Variants in CHEK2 observed in about 807,000 individuals in gnomAD.
CHEK2 encodes the protein checkpoint kinase 2.
CHEK2 carries 71 observed loss-of-function variants against 69.1 expected under a neutral mutation model. The ratio of observed to expected loss-of-function variants is 1.03; its 90% CI spans 0.85 to 1.25. The LOEUF (loss-of-function observed/expected upper bound fraction) is 1.25, where lower values mean the gene tolerates loss of function less well. Among genes scored for constraint, CHEK2 ranks in the 50% most tolerant of loss-of-function variants. The pLI is 0.00. For synonymous variants in CHEK2, 189 were observed against 226.9 expected (o/e 0.83, Z 1.50); for missense variants, 664 against 649.6 (o/e 1.02, Z -0.24).
chr22:28,725,073 T>C lies in CHEK2; in HGVS notation c.496A>G (p.Asn166Asp), dbSNP rs876659089. 1.2e-6 allele frequency: 2 copies of C among 1,614,180 alleles called. No individual in the cohort carries two copies. Among genetic ancestry groups the C allele is most frequent in the Non-Finnish European group, 1.7e-6 (2 of 1,180,002 alleles). The change falls in exon 4 of 15, where the codon AAT (asparagine) becomes GAT (aspartate). Residue 166 changes from asparagine (N) to aspartate (D), a missense_variant. Physicochemically the swap from Asn to Asp is conservative, Grantham distance 23 (BLOSUM62 1). Coordinates refer to ENST00000404276, the MANE Select transcript of CHEK2 (RefSeq NM_007194.4). ...AGCTCTGTATTTACAAAGGTTCCAT[T>C]GCCACTGTGATCTTCTATGTATGCA... ...YIAYIEDHSG[N>D]GTFVNTELVG...
At chr22:28,699,682 A>G in intron 9 of CHEK2, 156 bp downstream of exon 9, 1 of 676,422 alleles carries the variant, frequency 1.5e-6, no homozygotes, top group Non-Finnish European at 2.7e-6. Context: ...TTTTCATCTC[A>G]GTGAAAGGAG....
At chr22:28,720,082 A>T (rs946704272) in intron 4 of CHEK2, among the ~76,000 whole-genome samples, 7 of 141,180 alleles carry the variant, frequency 5.0e-5, no homozygotes, top group Non-Finnish European at 9.0e-5. Context: ...GCTGTATCTT[A>T]AAAAAAGTAA....
intron 13 of CHEK2, chr22:28,689,495 T>G (rs2052267742): frequency 2.5e-6 from 1 of 406,538 alleles, no homozygotes; most frequent in African/African-American, 2.1e-5. Context: ...GTCAAGAGTT[T>G]CTTAATTAGT....
chr22:28,731,965 G>A (rs1247061246), intron 2 of CHEK2, among the ~76,000 whole-genome samples: 5 of 151,898 alleles, frequency 3.3e-5, no homozygotes, highest in African/African-American at 4.8e-5. Flanking sequence ...TTTTGGAGAC[G>A]GAATCTCGCT....
chr22:28,734,824 AG>A, intron 1 of CHEK2, 97 bp from the exon 2 acceptor site: 18 of 898,576 alleles, frequency 2.0e-5, no homozygotes, highest in South Asian at 4.5e-5. Flanking sequence ...GCAAAAGAAA[AG>A]AAAAAAAAAA....
At chr22:28,724,926 A>G in intron 4 of CHEK2, 51 bp downstream of exon 4, 1 of 1,590,720 alleles carries the variant, frequency 6.3e-7, no homozygotes. Context: ...TTTTCCTCCT[A>G]TGAGAGAGTG....
At chr22:28,738,950 T>C (rs978540748) in intron 1 of CHEK2, among the ~76,000 whole-genome samples, 5 of 152,166 alleles carry the variant, frequency 3.3e-5, no homozygotes, top group Non-Finnish European at 7.3e-5. Flanking sequence ...GAAACTCAAC[T>C]GCAGAAAGAC....
At chr22:28,690,337 T>C (rs1287288492) in intron 13 of CHEK2, among the ~76,000 whole-genome samples, 1 of 151,646 alleles carries the variant, frequency 6.6e-6, no homozygotes, top group Non-Finnish European at 1.5e-5. Context: ...ACAAAAAAAA[T>C]TAAAAATTAG....
intron 13 of CHEK2, among the ~76,000 whole-genome samples, chr22:28,690,888 A>C (rs1441584307): frequency 6.6e-6 from 1 of 151,376 alleles, no homozygotes; most frequent in Non-Finnish European, 1.5e-5. Flanking sequence ...GGAAGGAAGG[A>C]GGAAGAAAGA....
At chr22:28,704,953 A>AGATG (rs1452637419) in intron 7 of CHEK2, among the ~76,000 whole-genome samples, 2 of 152,214 alleles carry the variant, frequency 1.3e-5, no homozygotes, top group Non-Finnish European at 2.9e-5. Flanking sequence ...TTCCCACCAT[A>AGATG]GATGGGTCTT....
intron 9 of CHEK2, chr22:28,699,617 C>T: frequency 1.8e-6 from 1 of 545,290 alleles, no homozygotes; most frequent in Non-Finnish European, 3.3e-6. Flanking sequence ...CCCGCTTGGC[C>T]TCCCAAAATG....
intron 9 of CHEK2, 33 bp downstream of exon 9, chr22:28,699,805 G>C (rs747703995): frequency 7.1e-7 from 1 of 1,408,132 alleles, no homozygotes; most frequent in Non-Finnish European, 1.0e-6. Context: ...TAAAAGAAAG[G>C]CAGCTGTCAA....
At chr22:28,716,199 CTTT>C (rs202194670) in intron 5 of CHEK2, among the ~76,000 whole-genome samples, 5 of 136,118 alleles carry the variant, frequency 3.7e-5, no homozygotes, top group Admixed American at 7.5e-5. Context: ...TCTTTTTTCT[CTTT>C]TTTTTTTTTT....
chr22:28,705,674 C>T (rs2053095449), intron 7 of CHEK2, among the ~76,000 whole-genome samples: 1 of 151,988 alleles, frequency 6.6e-6, no homozygotes, highest in Non-Finnish European at 1.5e-5. Context: ...GCCTGTAATC[C>T]CAGCACTTTA....
At chr22:28,720,516 A>G (rs2053738939) in intron 4 of CHEK2, among the ~76,000 whole-genome samples, 1 of 152,204 alleles carries the variant, frequency 6.6e-6, no homozygotes, top group South Asian at 2.1e-4. Context: ...TCAATTCTAC[A>G]AAGTCATCAA....
At chr22:28,711,300 A>G (rs923465733) in intron 6 of CHEK2, among the ~76,000 whole-genome samples, 1 of 152,204 alleles carries the variant, frequency 6.6e-6, no homozygotes, top group Non-Finnish European at 1.5e-5. Context: ...AACCAGGGAT[A>G]CTCACTGCCA....
rs758206293 is a variant in CHEK2, at chr22:28,695,765, C to T, written c.1204G>A (p.Ala402Thr). 6.2e-7 allele frequency: 1 copy of T among 1,613,718 alleles called. No individual in the cohort carries two copies. The highest frequency in any genetic ancestry group is 8.5e-7 in the Non-Finnish European group (1 of 1,179,600). ...CAGTCCACAGCACGGTTATACCCAGCAGTCCCAACAGAAACAAGAACTTCA... is the reference window on the plus strand; with the variant it reads ...CAGTCCACAGCACGGTTATACCCAGTAGTCCCAACAGAAACAAGAACTTCA... ...APEVLVSVGT[A>T]GYNRAVDCWS... Residue 402 changes from alanine to threonine, a missense_variant, in exon 11 of 15, where the codon GCT becomes ACT. By Grantham distance (58) the Ala-to-Thr change is moderately conservative. Coordinates refer to ENST00000404276, the MANE Select transcript of CHEK2 (RefSeq NM_007194.4).
At chr22:28,688,984 G>A (rs914765231) in intron 14 of CHEK2, 151 bp downstream of exon 14, 3 of 653,584 alleles carry the variant, frequency 4.6e-6, no homozygotes, top group African/African-American at 3.6e-5. Flanking sequence ...AAGGGTGCTG[G>A]AGCGAATCAA....
rs869312554 is a variant in CHEK2, at chr22:28,697,153, T to C, written c.1009-166A>G. ...AACTGTTGGGGTAAAGTTTACAAAT[T>C]TGTTTGAGAAGATCTTTAAAAAGCA... On this transcript the variant is annotated intron_variant, in intron 9 of 14. Coordinates refer to ENST00000404276, the MANE Select transcript of CHEK2 (RefSeq NM_007194.4). 2.0e-5 allele frequency among the ~76,000 whole-genome samples: 3 copies of C among 152,164 alleles called. No homozygotes were observed. Among genetic ancestry groups the C allele is most frequent in the Admixed American group, 6.6e-5 (1 of 15,264 alleles).
Sources: allele counts gnomAD v4.1 joint callset (sites outside exome capture counted in the v4.1 genomes callset), GRCh38; gene constraint gnomAD v4.1.1; transcripts MANE v1.5; gene names NCBI Gene and HGNC (gene_info 2026-07-23, HGNC 2026-07-21).